TRPM1: variants seen among roughly 807,000 people sequenced by gnomAD.
The protein encoded by TRPM1 is transient receptor potential cation channel subfamily M member 1, also known as TRPM1-203 APA Isoform, Intron 10.
Under a neutral mutation model 149.4 loss-of-function variants are expected in TRPM1, and 113 were observed. That is an observed-to-expected ratio of 0.76 (90% CI 0.65 to 0.88). The LOEUF (loss-of-function observed/expected upper bound fraction) is 0.88, where lower values mean the gene tolerates loss of function less well. Ranked by LOEUF, TRPM1 falls within the 40% of genes least tolerant of loss-of-function variation. The pLI is 0.00. For synonymous variants in TRPM1, 741 were observed against 759.5 expected (o/e 0.98, Z 0.40); for missense variants, 1,976 against 2,038.7 (o/e 0.97, Z 0.59).
At chr15:31,052,552 A>T (rs1457327410) in intron 11 of TRPM1, among the ~76,000 whole-genome samples, 1 of 152,228 alleles carries the variant, frequency 6.6e-6, no homozygotes, top group Non-Finnish European at 1.5e-5. Flanking sequence ...AGGCAGATGG[A>T]TCACCTGAGG....
chr15:31,081,452 C>T lies in TRPM1; in HGVS notation c.-83-14G>A. The T allele has an allele frequency of 6.6e-7, 1 of 1,513,372 alleles. No homozygotes were observed. The highest frequency in any genetic ancestry group is 8.9e-7 in the Non-Finnish European group (1 of 1,128,788). 93.7% of individuals were successfully genotyped at this position (1,513,372 alleles called of 1,614,324 possible). ...ATCTTCTAGAACCTACGAGGATAAA[C>T]AAGAGGAGTAAGAGTCACTTTGCCT... is the stretch of plus-strand genomic sequence containing the variant. On this transcript the variant is annotated splice_polypyrimidine_tract_variant and intron_variant, in intron 1 of 27. Transcript: ENST00000256552.
intron 1 of TRPM1, among the ~76,000 whole-genome samples, chr15:31,150,433 C>CTT (rs35862690): frequency 6.0e-4 from 66 of 110,836 alleles, no homozygotes; most frequent in Middle Eastern, 4.8e-3. Flanking sequence ...TTTTCTTTTC[C>CTT]TTTTTTTTTT....
At chr15:31,098,408 C>G (rs780329485) in intron 1 of TRPM1, among the ~76,000 whole-genome samples, 2 of 152,136 alleles carry the variant, frequency 1.3e-5, no homozygotes, top group Non-Finnish European at 1.5e-5. Flanking sequence ...CCAGCCTGAG[C>G]AACAGAGCAA....
chr15:31,076,179 G>A (rs1344667554), intron 3 of TRPM1, among the ~76,000 whole-genome samples: 2 of 152,150 alleles, frequency 1.3e-5, no homozygotes, highest in Non-Finnish European at 2.9e-5. Flanking sequence ...AGGGTGGTGT[G>A]GGGCAAGGGG....
chr15:31,086,452 C>T (rs1043127517), intron 1 of TRPM1, among the ~76,000 whole-genome samples: 3 of 152,266 alleles, frequency 2.0e-5, no homozygotes, highest in East Asian at 1.9e-4. Flanking sequence ...CCTGCCCCAT[C>T]GCAGAGGGGA....
rs182207294 is a variant in TRPM1, at chr15:31,036,757, G to A, written c.2571+954C>T. Among the ~76,000 whole-genome samples, 6 of 152,294 alleles carry A rather than the reference G, an allele frequency of 3.9e-5. No individual in the cohort carries two copies. In the East Asian group the frequency reaches 5.8e-4, roughly 15 times the overall value. ...CCCTCAGATGGTTCTAACCAGAATC[G>A]ATGGGCAGCAGTGACTTCGACTGTA... On this transcript the variant is annotated intron_variant, in intron 20 of 27. Coordinates refer to ENST00000256552, the MANE Select transcript of TRPM1 (RefSeq NM_001252024.2).
chr15:31,002,439 G>A lies in TRPM1; in HGVS notation c.4261C>T (p.Gln1421Ter). The A allele has an allele frequency of 6.2e-7, 1 of 1,614,218 alleles. No individual in the cohort carries two copies. The highest frequency in any genetic ancestry group is 8.5e-7 in the Non-Finnish European group (1 of 1,180,032). The stretch of plus-strand genomic sequence containing the variant: ...ATATTTGTCGTTTCCACTGTTAGCT[G>A]AGTGTTTTGAACATCTGATTTGTCC... ...GQDKSDVQNT[Q>*]LTVETTNIEG... The change falls in exon 28 of 28, where the codon CAG (glutamine) becomes TAG (stop). Residue 1421 changes from glutamine (Q) to a stop codon, truncating the protein, a stop_gained. Transcript: ENST00000256552. LOFTEE classifies it low-confidence loss of function (END_TRUNC).
intron 13 of TRPM1, among the ~76,000 whole-genome samples, chr15:31,048,222 T>C (rs2033838020): frequency 6.6e-6 from 1 of 152,282 alleles, no homozygotes; most frequent in South Asian, 2.1e-4. Context: ...ATTGCACCAC[T>C]ATACTCCAGC....
chr15:31,037,376 T>C (rs2140923052), intron 20 of TRPM1, among the ~76,000 whole-genome samples: 1 of 152,380 alleles, frequency 6.6e-6, no homozygotes, highest in Non-Finnish European at 1.5e-5. Flanking sequence ...TTTAAATCAC[T>C]AGTCATCTCT....
chr15:31,095,226 A>G (rs906052131), intron 1 of TRPM1, among the ~76,000 whole-genome samples: 2 of 152,182 alleles, frequency 1.3e-5, no homozygotes, highest in African/African-American at 4.8e-5. Context: ...GGGAGAGGAA[A>G]TGGGGAGGAA....
chr15:31,047,159 A>G lies in TRPM1; in HGVS notation c.1716T>C (p.Thr572=). ...TGTAAAGGGTCCGAAAGTTTTTCCG[A>G]GTGTAGTTGCAGCGGTAGGCTCCTC... ...LMGGAYRCNY[T]RKNFRTLYNN... is the part of the protein sequence containing the mutation. The change falls in exon 15 of 28, where the codon ACT becomes ACC. Residue 572 remains threonine (T), a synonymous_variant. Coordinates refer to ENST00000256552, the MANE Select transcript of TRPM1 (RefSeq NM_001252024.2). 6.2e-7 allele frequency: 1 copy of G among 1,614,182 alleles called. No homozygotes were observed. The highest frequency in any genetic ancestry group is 8.5e-7 in the Non-Finnish European group (1 of 1,180,024).
chr15:31,139,113 G>C (rs1353211430), intron 1 of TRPM1, among the ~76,000 whole-genome samples: 1 of 152,106 alleles, frequency 6.6e-6, no homozygotes, highest in Non-Finnish European at 1.5e-5. Flanking sequence ...TTGTCATTCT[G>C]AATTATCTTT....
At chr15:31,029,271 G>A in intron 24 of TRPM1, 100 bp downstream of exon 24, 3 of 1,258,950 alleles carry the variant, frequency 2.4e-6, no homozygotes, top group South Asian at 1.3e-5. Context: ...AACAAGAGAA[G>A]TATTTGAAAA....
chr15:31,124,179 G>C (rs2035914925), intron 1 of TRPM1, among the ~76,000 whole-genome samples: 2 of 152,188 alleles, frequency 1.3e-5, no homozygotes, highest in African/African-American at 4.8e-5. Flanking sequence ...CAGCTACTTG[G>C]GAGGCTGAAG....
chr15:31,101,164 C>T (rs1232785440), intron 1 of TRPM1, among the ~76,000 whole-genome samples: 2 of 152,180 alleles, frequency 1.3e-5, no homozygotes, highest in Non-Finnish European at 2.9e-5. Context: ...GGAAGGTGCA[C>T]CTTTTCCCTG....
At chr15:31,019,944 C>G (rs896097679) in intron 27 of TRPM1, among the ~76,000 whole-genome samples, 3 of 152,258 alleles carry the variant, frequency 2.0e-5, no homozygotes, top group African/African-American at 7.2e-5. Flanking sequence ...GCTAGGATTA[C>G]AGGTGTGAGC....
At chr15:31,005,742 T>A (rs1379453650) in intron 27 of TRPM1, among the ~76,000 whole-genome samples, 3 of 152,232 alleles carry the variant, frequency 2.0e-5, no homozygotes, top group Non-Finnish European at 4.4e-5. Context: ...TAAGTTCACT[T>A]ACATCTGAAA....
intron 20 of TRPM1, chr15:31,036,033 G>A: frequency 5.8e-6 from 2 of 344,110 alleles, no homozygotes; most frequent in Non-Finnish European, 1.1e-5. Flanking sequence ...ACTGGAAAAT[G>A]TTACTTACTC....
chr15:31,047,430 G>A (rs540705992), intron 14 of TRPM1, among the ~76,000 whole-genome samples, 179 bp from the exon 15 acceptor site: 1 of 152,212 alleles, frequency 6.6e-6, no homozygotes, highest in Admixed American at 6.5e-5. Flanking sequence ...TGATAACAAG[G>A]TGGCAGAAAG....
Sources: gnomAD v4.1 joint callset for allele counts (sites outside exome capture counted in the v4.1 genomes callset) on GRCh38, gnomAD v4.1.1 for gene constraint, MANE v1.5 for transcripts, NCBI Gene and HGNC (gene_info 2026-07-23, HGNC 2026-07-21) for gene names.